Variants in NUDT3 observed in about 807,000 individuals in gnomAD.
NUDT3 encodes the protein diphosphoinositol polyphosphate phosphohydrolase 1.
NUDT3 carries 9 observed loss-of-function variants against 23.6 expected under a neutral mutation model. The observed-to-expected ratio is 0.38, with a 90% CI of 0.23 to 0.66. The LOEUF (loss-of-function observed/expected upper bound fraction) is 0.66. Ranked by LOEUF, NUDT3 falls within the 30% of genes least tolerant of loss-of-function variation. The probability of loss-of-function intolerance (pLI) is 0.52; values close to 1 mark genes in which losing one functional copy is unlikely to be tolerated. For missense variants in NUDT3, 172 were observed against 218.5 expected, an observed-to-expected ratio of 0.79 and a Z score of 1.34; for synonymous variants, 86 against 82.6, an observed-to-expected ratio of 1.04 and a Z score of -0.22.
chr6:34,304,422 G>A (rs1763646180), intron 2 of NUDT3, among the ~76,000 whole-genome samples: 1 of 151,216 alleles, frequency 6.6e-6, no homozygotes, highest in Non-Finnish European at 1.5e-5. Flanking sequence ...GAAAGGAAAG[G>A]AAAAGAAAGG....
rs1407422532 is a variant in NUDT3, at chr6:34,284,344, C to T, written c.*4409G>A. 1 of 152,166 alleles carries T rather than the reference C, an allele frequency of 6.6e-6. No individual in the cohort carries two copies. Among genetic ancestry groups the T allele is most frequent in the South Asian group, 2.1e-4 (1 of 4,836 alleles). The allele number at this position is 152,166 out of a possible 1,614,324, so 9.4% of individuals were successfully genotyped here. ...GAAGCTGTATTATCAATTACAGAGA[C>T]AGCCAACTCTCATTTCTCTTAAAGC... On this transcript the variant is annotated 3_prime_UTR_variant, in exon 5 of 5. Transcript: ENST00000607016.
In NUDT3 at chr6:34,279,869, A is replaced by C. The variant is rs968272937; in HGVS notation, c.*8884T>G. 1.3e-5 allele frequency: 2 copies of C among 152,234 alleles called. No individual in the cohort carries two copies. Among genetic ancestry groups the C allele is most frequent in the Admixed American group, 1.3e-4 (2 of 15,276 alleles). The allele number at this position is 152,234 out of a possible 1,614,324, so 9.4% of individuals were successfully genotyped here. On this transcript the variant is annotated 3_prime_UTR_variant, in exon 5 of 5. Coordinates refer to ENST00000607016, the MANE Select transcript of NUDT3 (RefSeq NM_006703.4). Reference sequence around the variant, plus strand: ...TGGGGGTGGTCAAGTTTTACGGGTAATAACAACATTCTCTCTAGATGGCAG... The same window carrying C: ...TGGGGGTGGTCAAGTTTTACGGGTACTAACAACATTCTCTCTAGATGGCAG...
At chr6:34,373,362 C>A (rs942892615) in intron 1 of NUDT3, among the ~76,000 whole-genome samples, 2 of 96,352 alleles carry the variant, frequency 2.1e-5, no homozygotes, top group East Asian at 5.5e-4. Flanking sequence ...AAATTTAAAG[C>A]CAGAATGATT....
At chr6:34,308,576 T>C (rs1185277175) in intron 2 of NUDT3, among the ~76,000 whole-genome samples, 1 of 152,000 alleles carries the variant, frequency 6.6e-6, no homozygotes, top group African/African-American at 2.4e-5. Flanking sequence ...AACACATACC[T>C]TGAAAGTAAA....
At chr6:34,297,760 A>ATATATATATATATATATTTTTTTT (rs1763535832) in intron 2 of NUDT3, among the ~76,000 whole-genome samples, 2 of 53,654 alleles carry the variant, frequency 3.7e-5, no homozygotes, top group Non-Finnish European at 6.2e-5. Flanking sequence ...TATATATATA[A>ATATATATATATATATATTTTTTTT]TTTTTTTTTT....
chr6:34,366,018 G>A (rs891063261), intron 1 of NUDT3, among the ~76,000 whole-genome samples: 5 of 152,074 alleles, frequency 3.3e-5, no homozygotes, highest in African/African-American at 9.7e-5. Context: ...TCTAGCCTGA[G>A]AGCCAGAGCG....
At chr6:34,346,268 C>A (rs1035738437) in intron 1 of NUDT3, among the ~76,000 whole-genome samples, 8 of 152,062 alleles carry the variant, frequency 5.3e-5, no homozygotes, top group Non-Finnish European at 8.8e-5. Context: ...ATTTATCCAA[C>A]TACAAAAAGA....
rs373896155 is a variant in NUDT3, at chr6:34,349,965, C to T, written c.100-7993G>A. ...ATGAGCCAGGCGTGGTAGCGGGTGC[C>T]TGTAGTCCCAGCTACTCGGGAGGCT... On this transcript the variant is annotated intron_variant, in intron 1 of 4. Coordinates refer to ENST00000607016, the MANE Select transcript of NUDT3 (RefSeq NM_006703.4). Among the ~76,000 whole-genome samples, 316 of 150,216 alleles carry T rather than the reference C, an allele frequency of 2.1e-3. 19 individuals are homozygous for T. Among genetic ancestry groups the T allele is most frequent in the African/African-American group, 7.1e-3 (284 of 40,200 alleles).
chr6:34,341,366 G>A (rs1191774870), intron 2 of NUDT3, among the ~76,000 whole-genome samples: 1 of 152,016 alleles, frequency 6.6e-6, no homozygotes, highest in African/African-American at 2.4e-5. Flanking sequence ...GGAACATCAT[G>A]TGACTAAATA....
At chr6:34,360,977 C>T (rs1382899573) in intron 1 of NUDT3, among the ~76,000 whole-genome samples, 1 of 152,122 alleles carries the variant, frequency 6.6e-6, no homozygotes, top group African/African-American at 2.4e-5. Flanking sequence ...AATCCTAGCA[C>T]TTTGAAAGGC....
At chr6:34,329,271 T>C (rs899621721) in intron 2 of NUDT3, among the ~76,000 whole-genome samples, 2 of 152,096 alleles carry the variant, frequency 1.3e-5, no homozygotes, top group African/African-American at 4.8e-5. Flanking sequence ...AATATATATA[T>C]AAAAAAGAGA....
In NUDT3 at chr6:34,291,436, G is replaced by A. The variant is rs1220775655; in HGVS notation, c.340+2015C>T. On this transcript the variant is annotated intron_variant, in intron 4 of 4. Coordinates refer to ENST00000607016, the MANE Select transcript of NUDT3 (RefSeq NM_006703.4). ...TACAGAAAGGCGACACTGATCCCCAGTCCTGCTTGTGTATGTCAGGATGTC... is the reference window on the plus strand; with the variant it reads ...TACAGAAAGGCGACACTGATCCCCAATCCTGCTTGTGTATGTCAGGATGTC... 1.3e-5 allele frequency among the ~76,000 whole-genome samples: 2 copies of A among 152,050 alleles called. 1 individual carries two copies. Among genetic ancestry groups the A allele is most frequent in the Middle Eastern group, 6.3e-3 (2 of 316 alleles).
intron 2 of NUDT3, among the ~76,000 whole-genome samples, chr6:34,327,845 G>A (rs1240011361): frequency 6.6e-6 from 1 of 152,092 alleles, no homozygotes; most frequent in Non-Finnish European, 1.5e-5. Flanking sequence ...TGGCATTACC[G>A]CTTGACCAAG....
intron 2 of NUDT3, among the ~76,000 whole-genome samples, chr6:34,327,683 GAGGGGTTTA>G (rs1194693211): frequency 6.6e-6 from 1 of 152,218 alleles, no homozygotes; most frequent in Non-Finnish European, 1.5e-5. Flanking sequence ...GCACTACAGA[GAGGGGTTTA>G]AGCTTCCAGA....
rs1199803810 is a variant in NUDT3, at chr6:34,284,635, T to C, written c.*4118A>G. 6.7e-6 allele frequency: 1 copy of C among 150,208 alleles called. No homozygotes were observed. The highest frequency in any genetic ancestry group is 1.5e-5 in the Non-Finnish European group (1 of 67,844). The allele number at this position is 150,208 out of a possible 1,614,324, so 9.3% of individuals were successfully genotyped here. A position where few individuals can be genotyped will look rare whatever the true frequency, so the allele number is the denominator to read the frequency against. ...AATATGTGAAGGATAACATGTGAAA[T>C]GTACACTCAGGTCTAACAAATACCT... On this transcript the variant is annotated 3_prime_UTR_variant, in exon 5 of 5. Coordinates refer to ENST00000607016, the MANE Select transcript of NUDT3 (RefSeq NM_006703.4).
chr6:34,305,623 T>C (rs1042198343), intron 2 of NUDT3, among the ~76,000 whole-genome samples: 5 of 152,214 alleles, frequency 3.3e-5, no homozygotes, highest in African/African-American at 4.8e-5. Flanking sequence ...CTTGAGTTGA[T>C]TGCTCAATTT....
chr6:34,285,999 A>G lies in NUDT3; in HGVS notation c.*2754T>C, dbSNP rs980969625. The stretch of plus-strand genomic sequence containing the variant: ...ATCAAAACTGCACTTTCAGGGTAGT[A>G]TATTGTTACACTAGCCCAGTCAAAA... On this transcript the variant is annotated 3_prime_UTR_variant, in exon 5 of 5. Transcript: ENST00000607016. 1 of 152,228 alleles carries G rather than the reference A, an allele frequency of 6.6e-6. No homozygotes were observed. Among genetic ancestry groups the G allele is most frequent in the Non-Finnish European group, 1.5e-5 (1 of 68,036 alleles). 9.4% of individuals were successfully genotyped at this position (152,228 alleles called of 1,614,324 possible).
intron 4 of NUDT3, 32 bp from the exon 5 acceptor site, chr6:34,288,963 A>C (rs574621398): frequency 1.7e-4 from 264 of 1,564,806 alleles, no homozygotes; most frequent in Admixed American, 1.2e-3. Flanking sequence ...AAACTAGTAC[A>C]AGAGTAATAA....
At chr6:34,384,266 C>A (rs1765069173) in intron 1 of NUDT3, among the ~76,000 whole-genome samples, 1 of 152,160 alleles carries the variant, frequency 6.6e-6, no homozygotes, top group Non-Finnish European at 1.5e-5. Flanking sequence ...CTCCCCTTTG[C>A]CAAGAGATAT....
Sources: gnomAD v4.1 joint callset for allele counts (sites outside exome capture counted in the v4.1 genomes callset) on GRCh38, gnomAD v4.1.1 for gene constraint, MANE v1.5 for transcripts, NCBI Gene and HGNC (gene_info 2026-07-23, HGNC 2026-07-21) for gene names.